MCTP1: variants seen among roughly 807,000 people sequenced by gnomAD.
MCTP1 encodes multiple C2 and transmembrane domain containing 1.
Under a neutral mutation model 120.6 loss-of-function variants are expected in MCTP1, and 69 were observed. The ratio of observed to expected loss-of-function variants is 0.57; its 90% CI spans 0.47 to 0.70. The LOEUF is 0.70. Ranked by LOEUF, MCTP1 falls within the 30% of genes least tolerant of loss-of-function variation. The pLI, the probability that MCTP1 is intolerant of heterozygous loss-of-function variation, is 0.00. For synonymous variants in MCTP1, 529 were observed against 493.1 expected (o/e 1.07, Z -0.96); for missense variants, 1,203 against 1,248.8 (o/e 0.96, Z 0.55).
In MCTP1 at chr5:94,894,715, G is replaced by A. The variant is rs1462840405; in HGVS notation, c.1773C>T (p.Ser591=). ...GGGAGTTGACAGACAGGTCAGAGATGCTGACTGTGGCTGATGCTGTCAGAG... is the reference window on the plus strand; with the variant it reads ...GGGAGTTGACAGACAGGTCAGAGATACTGACTGTGGCTGATGCTGTCAGAG... ...LVTLTASATV[S]ISDLSVNSLE... The change falls in exon 11 of 23, where the codon AGC becomes AGT. Residue 591 remains serine, a synonymous_variant. Coordinates refer to ENST00000515393, the MANE Select transcript of MCTP1 (RefSeq NM_024717.7). 10 of 1,613,794 alleles carry A rather than the reference G, an allele frequency of 6.2e-6. No individual in the cohort carries two copies. Among genetic ancestry groups the A allele is most frequent in the Non-Finnish European group, 8.5e-6 (10 of 1,179,738 alleles).
At chr5:94,747,907 G>A (rs1465741958) in intron 19 of MCTP1, among the ~76,000 whole-genome samples, 3 of 152,118 alleles carry the variant, frequency 2.0e-5, no homozygotes, top group Admixed American at 2.0e-4. Context: ...TCTGGCCAAT[G>A]TGGTGAAATC....
intron 8 of MCTP1, among the ~76,000 whole-genome samples, chr5:94,916,895 T>C (rs1245602891): frequency 6.6e-6 from 1 of 152,260 alleles, no homozygotes; most frequent in East Asian, 1.9e-4. Flanking sequence ...TTGAAAGTTA[T>C]GTGGTGCATG....
intron 2 of MCTP1, among the ~76,000 whole-genome samples, chr5:94,981,780 T>C (rs1829468355): frequency 1.3e-5 from 2 of 152,132 alleles, no homozygotes. Context: ...GCAGAGGCCC[T>C]GAAGAATTCT....
chr5:94,962,506 G>A (rs1258867942), intron 2 of MCTP1, among the ~76,000 whole-genome samples: 3 of 150,262 alleles, frequency 2.0e-5, no homozygotes, highest in East Asian at 3.9e-4. Context: ...TATATTGTGT[G>A]TATGTATATA....
At chr5:95,023,433 A>G (rs1202451016) in intron 1 of MCTP1, among the ~76,000 whole-genome samples, 1 of 152,216 alleles carries the variant, frequency 6.6e-6, no homozygotes, top group East Asian at 1.9e-4. Flanking sequence ...TATCAACTGA[A>G]TTTGCCAACT....
chr5:94,952,514 G>A (rs576585887), intron 3 of MCTP1, among the ~76,000 whole-genome samples: 8 of 152,264 alleles, frequency 5.3e-5, no homozygotes, highest in African/African-American at 1.4e-4. Flanking sequence ...GGAAAAGGGT[G>A]GGATGTGTGC....
chr5:95,259,767 C>A (rs1394378647), intron 1 of MCTP1, among the ~76,000 whole-genome samples: 1 of 152,094 alleles, frequency 6.6e-6, no homozygotes, highest in Non-Finnish European at 1.5e-5. Context: ...TGGTGGTACC[C>A]TATCACAGTA....
intron 1 of MCTP1, among the ~76,000 whole-genome samples, chr5:95,181,940 T>A (rs981816399): frequency 3.3e-5 from 5 of 152,112 alleles, no homozygotes; most frequent in Non-Finnish European, 7.4e-5. Flanking sequence ...CTCCCACTGA[T>A]AAACCCATAG....
chr5:95,275,764 T>C (rs1316374400), intron 1 of MCTP1, among the ~76,000 whole-genome samples: 4 of 152,126 alleles, frequency 2.6e-5, no homozygotes, highest in Admixed American at 1.3e-4. Flanking sequence ...CAAAGTCCCA[T>C]AGCAAAATGC....
intron 19 of MCTP1, among the ~76,000 whole-genome samples, chr5:94,728,924 A>G (rs1762617876): frequency 6.6e-6 from 1 of 152,176 alleles, no homozygotes; most frequent in Admixed American, 6.5e-5. Context: ...CACCAACTAC[A>G]TATCAGACAC....
chr5:94,763,585 T>C (rs894222620), intron 19 of MCTP1, among the ~76,000 whole-genome samples: 2 of 152,238 alleles, frequency 1.3e-5, no homozygotes, highest in Non-Finnish European at 2.9e-5. Flanking sequence ...TTTCCCATTG[T>C]ATTATAATTA....
intron 1 of MCTP1, among the ~76,000 whole-genome samples, chr5:95,260,803 G>T (rs1758408920): frequency 6.6e-6 from 1 of 152,044 alleles, no homozygotes; most frequent in South Asian, 2.1e-4. Flanking sequence ...CAGAACAAAT[G>T]ACCAGGTAAT....
intron 1 of MCTP1, among the ~76,000 whole-genome samples, chr5:95,042,483 A>G (rs984803201): frequency 6.6e-6 from 1 of 152,238 alleles, no homozygotes; most frequent in Non-Finnish European, 1.5e-5. Flanking sequence ...CTGATACATC[A>G]TCTTCTTAAA....
intron 1 of MCTP1, among the ~76,000 whole-genome samples, chr5:95,071,533 T>G (rs1006401134): frequency 2.6e-5 from 4 of 152,196 alleles, no homozygotes; most frequent in African/African-American, 9.7e-5. Context: ...CTTTTACTGA[T>G]GTCCCTCAGT....
At chr5:95,057,695 T>C (rs1181064664) in intron 1 of MCTP1, among the ~76,000 whole-genome samples, 1 of 152,196 alleles carries the variant, frequency 6.6e-6, no homozygotes, top group Non-Finnish European at 1.5e-5. Flanking sequence ...AGCTTTACCT[T>C]GGTAAATACC....
chr5:94,817,179 C>A (rs568880656), intron 17 of MCTP1, among the ~76,000 whole-genome samples: 3 of 152,004 alleles, frequency 2.0e-5, no homozygotes, highest in Admixed American at 6.6e-5. Flanking sequence ...CCGAGGCAGG[C>A]GGATCACGAG....
intron 2 of MCTP1, among the ~76,000 whole-genome samples, chr5:95,012,697 T>C (rs1371782952): frequency 1.3e-5 from 2 of 152,152 alleles, no homozygotes; most frequent in Non-Finnish European, 2.9e-5. Context: ...CCATGAACTG[T>C]GCTCACAGGA....
chr5:94,892,419 C>T (rs1055394007), intron 11 of MCTP1, among the ~76,000 whole-genome samples: 5 of 152,200 alleles, frequency 3.3e-5, no homozygotes, highest in African/African-American at 7.2e-5. Flanking sequence ...AAGGGTTCAG[C>T]ATACCCGTTC....
chr5:95,055,106 T>C lies in MCTP1; in HGVS notation c.721-37622A>G, dbSNP rs532045116. Among the ~76,000 whole-genome samples, 4 of 151,648 alleles carry C rather than the reference T, an allele frequency of 2.6e-5. No homozygotes were observed. In the South Asian group the frequency reaches 8.3e-4, roughly 32 times the overall value. Reference sequence around the variant, plus strand: ...GCTGGAGCTATAATATTTCTTTCTTTTGGTGTATCTTAATGGGTAGTTCAC... The same window carrying C: ...GCTGGAGCTATAATATTTCTTTCTTCTGGTGTATCTTAATGGGTAGTTCAC... On this transcript the variant is annotated intron_variant, in intron 1 of 22. Coordinates refer to ENST00000515393, the MANE Select transcript of MCTP1 (RefSeq NM_024717.7).
Sources: gnomAD v4.1 joint callset for allele counts (sites outside exome capture counted in the v4.1 genomes callset) on GRCh38, gnomAD v4.1.1 for gene constraint, MANE v1.5 for transcripts, NCBI Gene and HGNC (gene_info 2026-07-23, HGNC 2026-07-21) for gene names.